Variants in TGFB1I1 observed in about 807,000 individuals in gnomAD.
TGFB1I1 encodes transforming growth factor beta-1-induced transcript 1 protein.
Under a neutral mutation model 52.0 loss-of-function variants are expected in TGFB1I1, and 33 were observed. The ratio of observed to expected loss-of-function variants is 0.63; its 90% confidence interval spans 0.48 to 0.85. The LOEUF (loss-of-function observed/expected upper bound fraction) is 0.85. TGFB1I1 is among the 40% of genes least tolerant of loss of function. The pLI, the probability that TGFB1I1 is intolerant of heterozygous loss-of-function variation, is 0.00. For missense variants in TGFB1I1, 577 were observed against 614.9 expected, an observed-to-expected ratio of 0.94 and a Z score of 0.65; for synonymous variants, 236 against 253.3, an observed-to-expected ratio of 0.93 and a Z score of 0.65.
intron 7 of TGFB1I1, chr16:31,475,369 C>A (rs2082417097): frequency 6.5e-6 from 1 of 152,854 alleles, no homozygotes; most frequent in Non-Finnish European, 1.5e-5. Flanking sequence ...TGTATTACAG[C>A]ATTTTCTTCT....
Position 31,474,504 on chromosome 16 carries a change from C to G in TGFB1I1, c.519+49C>G. 6.2e-7 allele frequency: 1 copy of G among 1,613,496 alleles called. No homozygotes were observed. Among genetic ancestry groups the G allele is most frequent in the Admixed American group, 1.7e-5 (1 of 60,024 alleles). On this transcript the variant is annotated intron_variant, in intron 6 of 10. Coordinates refer to ENST00000394863, the MANE Select transcript of TGFB1I1 (RefSeq NM_001042454.3). The surrounding 1 kb of genome is among the most constrained non-coding windows in gnomAD (Gnocchi z 4.2). ...TCCATTTGTGGCTCCCCAACCCCTT[C>G]TAGACAATTCCACATCTGCTGCTTT...
chr16:31,477,521 A>G lies in TGFB1I1; in HGVS notation c.1331A>G (p.Gln444Arg). The stretch of plus-strand genomic sequence containing the variant: ...CGCCCGCTCACCAAGGGGTCCTTCC[A>G]GGAGCGCGCCGGCAAGCCCTACTGC... Reference protein sequence around the residue: ...CLRPLTKGSFQERAGKPYCQP... With the variant: ...CLRPLTKGSFRERAGKPYCQP... Residue 444 changes from glutamine (Q) to arginine (R), a missense_variant, in exon 11 of 11, where the codon CAG (glutamine) becomes CGG (arginine). By Grantham distance (43) the Gln-to-Arg change is conservative. Transcript: ENST00000394863. This position sits in a 1 kb window ranked among gnomAD's most constrained non-coding sequence, Gnocchi z 4.7. The G allele has an allele frequency of 6.2e-7, 1 of 1,609,980 alleles. No homozygotes were observed. The highest frequency in any genetic ancestry group is 8.5e-7 in the Non-Finnish European group (1 of 1,178,750).
Position 31,477,323 on chromosome 16 carries a change from C to G in TGFB1I1, c.1133C>G (p.Pro378Arg), listed in dbSNP as rs2082432331. 6.2e-7 allele frequency: 1 copy of G among 1,607,138 alleles called. No individual in the cohort carries two copies. Among genetic ancestry groups the G allele is most frequent in the Non-Finnish European group, 8.5e-7 (1 of 1,176,344 alleles). The change falls in exon 11 of 11, where the codon CCC becomes CGC. Residue 378 changes from proline to arginine, a missense_variant. Physicochemically the swap from Pro to Arg is moderately radical, Grantham distance 103. This residue lies in a region of TGFB1I1 where 456 missense variants were observed against 461.6 expected (regional missense o/e 0.99). Transcript: ENST00000394863. This position sits in a 1 kb window ranked among gnomAD's most constrained non-coding sequence, Gnocchi z 4.7. ...TCCCTTCCCCAGGAATGCTTCGCGC[C>G]CTTCTCGGGAGGCAGCTTTTTCGAG... ...DCFVCRECFA[P>R]FSGGSFFEHE...
rs777302697 is a variant in TGFB1I1 at position 31,474,789 on chromosome 16, G to C, written c.714+32G>C. The C allele has an allele frequency of 2.5e-6, 4 of 1,578,794 alleles. No homozygotes were observed. The highest frequency in any genetic ancestry group is 3.4e-6 in the Non-Finnish European group (4 of 1,161,586). On this transcript the variant is annotated intron_variant, in intron 7 of 10. Coordinates refer to ENST00000394863, the MANE Select transcript of TGFB1I1 (RefSeq NM_001042454.3). The surrounding 1 kb of genome is among the most constrained non-coding windows in gnomAD (Gnocchi z 4.2). ...GGAGCCTTGTGAGAAGGGAGGCAGA[G>C]ACCTGTCACAGACCCATCTTTAGTG...
Position 31,476,425 on chromosome 16 carries a change from G to A in TGFB1I1, c.889-56G>A. 6.4e-7 allele frequency: 1 copy of A among 1,551,878 alleles called. No homozygotes were observed. The highest frequency in any genetic ancestry group is 8.8e-7 in the Non-Finnish European group (1 of 1,137,364). On this transcript the variant is annotated intron_variant, in intron 8 of 10. Transcript: ENST00000394863. This position sits in a 1 kb window ranked among gnomAD's most constrained non-coding sequence, Gnocchi z 7.6. Reference sequence around the variant, plus strand: ...GTCCAGTCACCCGGGTTCCGCGCGGGAGAGGAAGGCGCGAAGGCACGGAGG... The same window carrying A: ...GTCCAGTCACCCGGGTTCCGCGCGGAAGAGGAAGGCGCGAAGGCACGGAGG...
rs1388865618 is a variant in TGFB1I1 at position 31,473,891 on chromosome 16, C to T, written c.239C>T (p.Ser80Phe). ...GCAGCCCCGGCGGCCCCTCCATTCT[C>T]CTCTTCCAGCGGTGTCTTGGGTACC... is the stretch of plus-strand genomic sequence containing the variant. ...KPAAPAAPPF[S>F]SSSGVLGTGL... The change falls in exon 4 of 11, where the codon TCC (serine) becomes TTC (phenylalanine). Residue 80 changes from serine (S) to phenylalanine (F), a missense_variant. Physicochemically the swap from Ser to Phe is radical, Grantham distance 155. Transcript: ENST00000394863. 1.9e-6 allele frequency: 3 copies of T among 1,614,150 alleles called. No individual in the cohort carries two copies. The highest frequency in any genetic ancestry group is 1.7e-6 in the Non-Finnish European group (2 of 1,180,040).
chr16:31,476,846 C>T lies in TGFB1I1; in HGVS notation c.971-16C>T, dbSNP rs779969044. On this transcript the variant is annotated splice_polypyrimidine_tract_variant and intron_variant, in intron 9 of 10. Coordinates refer to ENST00000394863, the MANE Select transcript of TGFB1I1 (RefSeq NM_001042454.3). This position sits in a 1 kb window ranked among gnomAD's most constrained non-coding sequence, Gnocchi z 7.6. ...CCGCACCCTTTGCTTTCAGCCCACT[C>T]GGTTCCCTCTCCTAGGTTTCCACGA... 1 of 1,611,796 alleles carries T rather than the reference C, an allele frequency of 6.2e-7. No homozygotes were observed. Among genetic ancestry groups the T allele is most frequent in the Non-Finnish European group, 8.5e-7 (1 of 1,179,808 alleles).
chr16:31,476,158 T>G lies in TGFB1I1; in HGVS notation c.861T>G (p.Cys287Trp). 6.2e-7 allele frequency: 1 copy of G among 1,613,322 alleles called. No individual in the cohort carries two copies. The highest frequency in any genetic ancestry group is 1.1e-5 in the South Asian group (1 of 91,074). ...ACTTTGAGCGCTTCTCGCCAAGATGTGGCTTCTGCAACCAGCCCATCCGAC... is the reference window on the plus strand; with the variant it reads ...ACTTTGAGCGCTTCTCGCCAAGATGGGGCTTCTGCAACCAGCCCATCCGAC... ...ECYFERFSPR[C>W]GFCNQPIRHK... is the part of the protein sequence containing the mutation. Residue 287 changes from cysteine (C) to tryptophan (W), a missense_variant, in exon 8 of 11, where the codon TGT becomes TGG. Cys to Trp is a radical substitution (Grantham distance 215). Transcript: ENST00000394863. This position sits in a 1 kb window ranked among gnomAD's most constrained non-coding sequence, Gnocchi z 7.6.
At position 31,476,622 on chromosome 16, in the gene TGFB1I1, G is replaced by T; in HGVS notation, c.970+60G>T. The stretch of plus-strand genomic sequence containing the variant: ...CGGGTCCCCTCGACGTCTCGCCCCA[G>T]CCCCTCCGACCTCCGGAGTCCTCAG... On this transcript the variant is annotated intron_variant, in intron 9 of 10. Coordinates refer to ENST00000394863, the MANE Select transcript of TGFB1I1 (RefSeq NM_001042454.3). This position sits in a 1 kb window ranked among gnomAD's most constrained non-coding sequence, Gnocchi z 7.6. 6.4e-7 allele frequency: 1 copy of T among 1,557,350 alleles called. No individual in the cohort carries two copies. Among genetic ancestry groups the T allele is most frequent in the East Asian group, 2.3e-5 (1 of 43,634 alleles).
chr16:31,476,233 G>A lies in TGFB1I1; in HGVS notation c.888+48G>A. On this transcript the variant is annotated intron_variant, in intron 8 of 10. Transcript: ENST00000394863. The surrounding 1 kb of genome is among the most constrained non-coding windows in gnomAD (Gnocchi z 7.6). Reference sequence around the variant, plus strand: ...GAGCCCGCCCTATCTCACCAGGAGAGCTGTGGGACGGGCCTCCACCGCATG... The same window carrying A: ...GAGCCCGCCCTATCTCACCAGGAGAACTGTGGGACGGGCCTCCACCGCATG... 6.3e-7 allele frequency: 1 copy of A among 1,586,148 alleles called. No homozygotes were observed. Among genetic ancestry groups the A allele is most frequent in the Non-Finnish European group, 8.6e-7 (1 of 1,166,950 alleles).
At position 31,476,035 on chromosome 16, in the gene TGFB1I1, C is replaced by CT; in HGVS notation, c.739dup (p.Trp247LeufsTer35). 6.2e-7 allele frequency: 1 copy of CT among 1,613,286 alleles called. No homozygotes were observed. The highest frequency in any genetic ancestry group is 2.2e-5 in the East Asian group (1 of 44,878). ...AGGTGGTGACGGCTCTGGGCCGCGC[C>CT]TGGCACCCCGAGCACTTCGTTTGCG... On this transcript the variant is annotated frameshift_variant, in exon 8 of 11. Coordinates refer to ENST00000394863, the MANE Select transcript of TGFB1I1 (RefSeq NM_001042454.3). LOFTEE classifies it high-confidence loss of function. The surrounding 1 kb of genome is among the most constrained non-coding windows in gnomAD (Gnocchi z 7.6).
rs971719960 is a variant in TGFB1I1 at position 31,476,748 on chromosome 16, C to T, written c.971-114C>T. 81 of 1,536,674 alleles carry T rather than the reference C, an allele frequency of 5.3e-5. No individual in the cohort carries two copies. Among genetic ancestry groups the T allele is most frequent in the Non-Finnish European group, 6.8e-5 (78 of 1,140,104 alleles). Reference sequence around the variant, plus strand: ...CTGTCCCGCCATAGACCCGGCTCCTCCTTCCCCAAGGCTCCCTCGGACTGC... The same window carrying T: ...CTGTCCCGCCATAGACCCGGCTCCTTCTTCCCCAAGGCTCCCTCGGACTGC... On this transcript the variant is annotated intron_variant, in intron 9 of 10. Coordinates refer to ENST00000394863, the MANE Select transcript of TGFB1I1 (RefSeq NM_001042454.3). The surrounding 1 kb of genome is among the most constrained non-coding windows in gnomAD (Gnocchi z 7.6).
chr16:31,476,385 C>G lies in TGFB1I1; in HGVS notation c.889-96C>G, dbSNP rs1391431459. ...CCTAGTTAGATCTTCTCCCCCTCCC[C>G]CCACGCATGCCTTAGTCCAGTCACC... On this transcript the variant is annotated intron_variant, in intron 8 of 10. Transcript: ENST00000394863. This position sits in a 1 kb window ranked among gnomAD's most constrained non-coding sequence, Gnocchi z 7.6. 1.7e-5 allele frequency: 23 copies of G among 1,326,786 alleles called. No homozygotes were observed. In the South Asian group the frequency reaches 1.9e-4, roughly 11 times the overall value. 82.2% of individuals were successfully genotyped at this position (1,326,786 alleles called of 1,614,324 possible).
rs199836545 is a variant in TGFB1I1, at chr16:31,473,902, G to A, written c.250G>A (p.Gly84Ser). The change falls in exon 4 of 11, where the codon GGT (glycine) becomes AGT (serine). Residue 84 changes from glycine to serine, a missense_variant. Coordinates refer to ENST00000394863, the MANE Select transcript of TGFB1I1 (RefSeq NM_001042454.3). ...GGCCCCTCCATTCTCCTCTTCCAGC[G>A]GTGTCTTGGGTACCGGGCTCTGTGA... The part of the protein sequence containing the change: ...PAAPPFSSSS[G>S]VLGTGLCELD... 1.9e-5 allele frequency: 30 copies of A among 1,614,114 alleles called. No individual in the cohort carries two copies. Among genetic ancestry groups the A allele is most frequent in the African/African-American group, 1.3e-5 (1 of 75,034 alleles).
At position 31,476,521 on chromosome 16, in the gene TGFB1I1, A is replaced by G. The variant is rs754106103; in HGVS notation, c.929A>G (p.His310Arg). Residue 310 changes from histidine to arginine, a missense_variant, in exon 9 of 11, where the codon CAT becomes CGT. Physicochemically the swap from His to Arg is conservative, Grantham distance 29. This residue lies in a region of TGFB1I1 where 456 missense variants were observed against 461.6 expected (regional missense o/e 0.99). Transcript: ENST00000394863. This position sits in a 1 kb window ranked among gnomAD's most constrained non-coding sequence, Gnocchi z 7.6. ...TALGTHWHPE[H>R]FCCVSCGEPF... ...TTGGGCACTCACTGGCACCCAGAGC[A>G]TTTCTGCTGCGTCAGTTGCGGGGAG... 1 of 1,613,558 alleles carries G rather than the reference A, an allele frequency of 6.2e-7. No homozygotes were observed. Among genetic ancestry groups the G allele is most frequent in the East Asian group, 2.2e-5 (1 of 44,850 alleles).
intron 7 of TGFB1I1, chr16:31,475,394 T>A (rs1210819982): frequency 6.5e-6 from 1 of 152,884 alleles, no homozygotes; most frequent in Non-Finnish European, 1.5e-5. Flanking sequence ...CATTTTTTTA[T>A]TCTGAATTTT....
rs1272494696 is a variant in TGFB1I1, at chr16:31,477,381, C to T, written c.1191C>T (p.Phe397=). ...GCCGCCCGTTGTGCGAGAACCACTT[C>T]CACGCACGACGCGGCTCGCTGTGCG... is the stretch of plus-strand genomic sequence containing the variant. ...HEGRPLCENH[F]HARRGSLCAT... The change falls in exon 11 of 11, where the codon TTC becomes TTT. Residue 397 remains phenylalanine, a synonymous_variant. Transcript: ENST00000394863. The surrounding 1 kb of genome is among the most constrained non-coding windows in gnomAD (Gnocchi z 4.7). 61 of 1,611,824 alleles carry T rather than the reference C, an allele frequency of 3.8e-5. No individual in the cohort carries two copies. The highest frequency in any genetic ancestry group is 5.1e-5 in the Non-Finnish European group (60 of 1,179,464).
In TGFB1I1 at chr16:31,477,285, C is replaced by T; in HGVS notation, c.1120-25C>T. The T allele has an allele frequency of 6.3e-7, 1 of 1,587,668 alleles. No homozygotes were observed. ...GGCAGTGGCCGCTGACCTGTCTGTCCTCTTTCGCGGCTTCCCTTCCCCAGG... is the reference window on the plus strand; with the variant it reads ...GGCAGTGGCCGCTGACCTGTCTGTCTTCTTTCGCGGCTTCCCTTCCCCAGG... On this transcript the variant is annotated intron_variant, in intron 10 of 10. Coordinates refer to ENST00000394863, the MANE Select transcript of TGFB1I1 (RefSeq NM_001042454.3). The surrounding 1 kb of genome is among the most constrained non-coding windows in gnomAD (Gnocchi z 4.7).
chr16:31,477,755 C>CA lies in TGFB1I1; in HGVS notation c.*180dup. 3.8e-6 allele frequency: 3 copies of CA among 782,686 alleles called. No individual in the cohort carries two copies. Among genetic ancestry groups the CA allele is most frequent in the South Asian group, 2.0e-5 (1 of 50,248 alleles). The allele number at this position is 782,686 out of a possible 1,614,324, so 48.5% of individuals were successfully genotyped here. On this transcript the variant is annotated 3_prime_UTR_variant, in exon 11 of 11. Coordinates refer to ENST00000394863, the MANE Select transcript of TGFB1I1 (RefSeq NM_001042454.3). The surrounding 1 kb of genome is among the most constrained non-coding windows in gnomAD (Gnocchi z 4.7). The stretch of plus-strand genomic sequence containing the variant: ...GAAACGGCCCAGCCAGACCTAAACC[C>CA]ACACGCCCACAAAGTGGATTGCACA...
Sources: allele counts gnomAD v4.1 joint callset, GRCh38; gene constraint gnomAD v4.1.1; regional missense constraint gnomAD v4.1.1; non-coding constraint Gnocchi (gnomAD v3.1); transcripts MANE v1.5; gene names NCBI Gene and HGNC (gene_info 2026-07-23, HGNC 2026-07-21).